NR3C2: variants seen among roughly 807,000 people sequenced by gnomAD.
The protein encoded by NR3C2 is nuclear receptor subfamily 3 group C member 2, also known as mineralocorticoid receptor.
In NR3C2, 15 loss-of-function variants were observed where a neutral mutation model predicts 86.4. The observed-to-expected ratio is 0.17, with a 90% CI of 0.12 to 0.27. The LOEUF is 0.27. NR3C2 is among the 10% of genes least tolerant of loss of function. The pLI is 1.00. For missense variants in NR3C2, 960 were observed against 1,195.6 expected (o/e 0.80, Z 2.91); for synonymous variants, 458 against 450.5 (o/e 1.02, Z -0.21).
At chr4:148,405,404 G>C (rs1748369242) in intron 2 of NR3C2, among the ~76,000 whole-genome samples, 2 of 152,152 alleles carry the variant, frequency 1.3e-5, no homozygotes, top group South Asian at 4.1e-4. Flanking sequence ...AGGCATACCT[G>C]TCCACCACCA....
chr4:148,105,724 T>G (rs1337356071), intron 8 of NR3C2, among the ~76,000 whole-genome samples: 1 of 152,170 alleles, frequency 6.6e-6, no homozygotes, highest in Non-Finnish European at 1.5e-5. Flanking sequence ...TGGTTCGACA[T>G]ACACAAATCA....
At chr4:148,223,481 AT>A (rs1344457636) in intron 3 of NR3C2, among the ~76,000 whole-genome samples, 1 of 152,210 alleles carries the variant, frequency 6.6e-6, no homozygotes, top group Non-Finnish European at 1.5e-5. Flanking sequence ...GTCAATAAAT[AT>A]CTGGTAGTTG....
chr4:148,127,677 G>C (rs964331285), intron 6 of NR3C2, among the ~76,000 whole-genome samples: 1 of 152,206 alleles, frequency 6.6e-6, no homozygotes, highest in African/African-American at 2.4e-5. Context: ...TGCAGGAACA[G>C]AATAAAAACT....
intron 2 of NR3C2, among the ~76,000 whole-genome samples, chr4:148,261,647 G>A (rs942828468): frequency 1.3e-5 from 2 of 152,178 alleles, no homozygotes; most frequent in Non-Finnish European, 2.9e-5. Flanking sequence ...GGAGCTGGAT[G>A]GGCTCAGAAA....
chr4:148,296,048 A>C (rs1254540813), intron 2 of NR3C2, among the ~76,000 whole-genome samples: 1 of 148,676 alleles, frequency 6.7e-6, no homozygotes, highest in Non-Finnish European at 1.5e-5. Flanking sequence ...TGAGGCCAAA[A>C]AAAAAAAAAA....
intron 8 of NR3C2, among the ~76,000 whole-genome samples, chr4:148,103,536 C>T (rs911016943): frequency 2.0e-5 from 3 of 152,202 alleles, no homozygotes; most frequent in Admixed American, 6.5e-5. Flanking sequence ...AGAGATGGCT[C>T]GTTTCACAGA....
intron 4 of NR3C2, among the ~76,000 whole-genome samples, chr4:148,178,685 G>A (rs964738276): frequency 1.3e-5 from 2 of 151,344 alleles, no homozygotes; most frequent in Non-Finnish European, 3.0e-5. Flanking sequence ...AAAGGGCAAG[G>A]GGTCAAAGGC....
upstream of NR3C2, among the ~76,000 whole-genome samples, chr4:148,443,215 C>A (rs1560742695): frequency 1.8e-5 from 2 of 111,792 alleles, no homozygotes; most frequent in Non-Finnish European, 1.7e-5. Flanking sequence ...CCTTAGACCC[C>A]TAACACCAAA....
chr4:148,113,921 C>G (rs540615938), intron 8 of NR3C2, among the ~76,000 whole-genome samples, 183 bp downstream of exon 8: 1 of 152,150 alleles, frequency 6.6e-6, no homozygotes, highest in African/African-American at 2.4e-5. Flanking sequence ...CCAATAAACC[C>G]TATGTCTCAT....
intron 4 of NR3C2, among the ~76,000 whole-genome samples, chr4:148,171,528 G>A (rs1003456170): frequency 5.9e-5 from 9 of 152,112 alleles, no homozygotes; most frequent in African/African-American, 1.7e-4. Context: ...TCAGATCATC[G>A]GGCATTATAT....
intron 8 of NR3C2, among the ~76,000 whole-genome samples, 184 bp downstream of exon 8, chr4:148,113,920 C>T (rs1388289502): frequency 6.6e-6 from 1 of 152,114 alleles, no homozygotes; most frequent in East Asian, 1.9e-4. Context: ...CCCAATAAAC[C>T]CTATGTCTCA....
chr4:148,113,840 T>G (rs111538222), intron 8 of NR3C2, among the ~76,000 whole-genome samples: 4,166 of 152,250 alleles, frequency 0.027, 186 homozygotes, highest in African/African-American at 0.094. Flanking sequence ...AAATGCTATA[T>G]AACCTGAATG....
Position 148,412,805 on chromosome 4 carries a change from A to C in NR3C2, c.1757+22299T>G, listed in dbSNP as rs556705897. Among the ~76,000 whole-genome samples the C allele has an allele frequency of 1.9e-4, 26 of 135,608 alleles. 1 individual carries two copies. In the South Asian group the frequency reaches 6.5e-3, roughly 34 times the overall value. The allele number at this position is 135,608 out of a possible 152,430, so 89.0% of individuals were successfully genotyped here. A position where few individuals can be genotyped will look rare whatever the true frequency, so the allele number is the denominator to read the frequency against. ...TGTGAATATGCACATACGTGCATAC[A>C]CAGGTGCACATGTGCGCACACACAC... On this transcript the variant is annotated intron_variant, in intron 2 of 8. Coordinates refer to ENST00000358102, the MANE Select transcript of NR3C2 (RefSeq NM_000901.5).
At chr4:148,099,821 C>T (rs1037881974) in intron 8 of NR3C2, among the ~76,000 whole-genome samples, 1 of 152,162 alleles carries the variant, frequency 6.6e-6, no homozygotes, top group African/African-American at 2.4e-5. Flanking sequence ...TCCTGTGTGT[C>T]AGGTTTGATT....
At chr4:148,430,925 C>T (rs944734543) in intron 2 of NR3C2, among the ~76,000 whole-genome samples, 1 of 152,118 alleles carries the variant, frequency 6.6e-6, no homozygotes, top group Non-Finnish European at 1.5e-5. Context: ...AAAATCAGCA[C>T]ATATTAAGAT....
intron 4 of NR3C2, among the ~76,000 whole-genome samples, chr4:148,179,201 T>C (rs1735533961): frequency 6.6e-6 from 1 of 151,570 alleles, no homozygotes; most frequent in Non-Finnish European, 1.5e-5. Context: ...GGGAGGTTGC[T>C]GGGGGTCCTG....
At chr4:148,444,965 CGT>C, upstream of NR3C2, 1 of 984,924 alleles carries the variant, frequency 1.0e-6, no homozygotes, top group Non-Finnish European at 1.2e-6. Flanking sequence ...CGGCCGAGCG[CGT>C]GTGTGAGGGG....
chr4:148,100,246 A>G lies in NR3C2; in HGVS notation c.2799+13858T>C, dbSNP rs76630873. 7.1e-3 allele frequency among the ~76,000 whole-genome samples: 1,079 copies of G among 152,350 alleles called. 12 individuals carry two copies. Among genetic ancestry groups the G allele is most frequent in the African/African-American group, 0.025 (1,022 of 41,588 alleles). On this transcript the variant is annotated intron_variant, in intron 8 of 8. Transcript: ENST00000358102. The stretch of plus-strand genomic sequence containing the variant: ...TGTTGTCATTATAAATTCATAAGAG[A>G]AAGACGATCTTGGCACCAAAACAAA...
At chr4:148,281,655 C>A (rs533231729) in intron 2 of NR3C2, among the ~76,000 whole-genome samples, 1 of 152,310 alleles carries the variant, frequency 6.6e-6, no homozygotes, top group East Asian at 1.9e-4. Context: ...ATGAGGAGAT[C>A]TAGCTCAATA....
Sources: allele counts gnomAD v4.1 joint callset (sites outside exome capture counted in the v4.1 genomes callset), GRCh38; gene constraint gnomAD v4.1.1; transcripts MANE v1.5; gene names NCBI Gene and HGNC (gene_info 2026-07-23, HGNC 2026-07-21).